Variants in CKAP5 observed in about 807,000 individuals in gnomAD.
CKAP5 encodes cytoskeleton-associated protein 5.
CKAP5 carries 27 observed loss-of-function variants against 232.8 expected under a neutral mutation model. The observed-to-expected ratio is 0.12, with a 90% confidence interval of 0.09 to 0.16. The LOEUF is 0.16. Ranked by LOEUF, CKAP5 falls within the 10% of genes least tolerant of loss-of-function variation. The pLI is 1.00. For missense variants in CKAP5, 1,838 were observed against 2,424.7 expected, an observed-to-expected ratio of 0.76 and a Z score of 5.08; for synonymous variants, 785 against 841.1, an observed-to-expected ratio of 0.93 and a Z score of 1.16.
chr11:46,816,605 AAC>A (rs1229595574), intron 3 of CKAP5, among the ~76,000 whole-genome samples: 4 of 152,192 alleles, frequency 2.6e-5, no homozygotes, highest in African/African-American at 9.7e-5. Flanking sequence ...CAGGCATAGT[AAC>A]AGTTTATAAA....
chr11:46,823,215 A>G (rs549817977), intron 1 of CKAP5, among the ~76,000 whole-genome samples: 21 of 151,884 alleles, frequency 1.4e-4, no homozygotes, highest in African/African-American at 5.1e-4. Context: ...AAGTGATCCC[A>G]CTGATCGTGA....
At position 46,776,098 on chromosome 11, in the gene CKAP5, C is replaced by T. The variant is rs140442454; in HGVS notation, c.2991+157G>A. Among the ~76,000 whole-genome samples the T allele has an allele frequency of 3.6e-3, 543 of 152,220 alleles. 1 individual carries two copies. The highest frequency in any genetic ancestry group is 5.7e-3 in the Non-Finnish European group (385 of 68,002). The stretch of plus-strand genomic sequence containing the variant: ...AGCATGTGAAAGGAAAAAATGGAAG[C>T]ACATGAATACAAAGGCCCCAGGAAT... On this transcript the variant is annotated intron_variant, in intron 24 of 43. Coordinates refer to ENST00000529230, the MANE Select transcript of CKAP5 (RefSeq NM_001008938.4).
chr11:46,811,181 A>G lies in CKAP5; in HGVS notation c.459-3T>C, dbSNP rs781223409. ...AGATGATTTTGGAACCAAATTCACT[A>G]CAAGTAAAAAATTGGGAAAAAACTG... On this transcript the variant is annotated splice_region_variant and splice_polypyrimidine_tract_variant and intron_variant, in intron 4 of 43. Transcript: ENST00000529230. 5.0e-6 allele frequency: 8 copies of G among 1,610,542 alleles called. No homozygotes were observed. Among genetic ancestry groups the G allele is most frequent in the Non-Finnish European group, 6.8e-6 (8 of 1,178,480 alleles).
intron 26 of CKAP5, among the ~76,000 whole-genome samples, chr11:46,769,657 C>T (rs1034722753): frequency 1.3e-5 from 2 of 151,828 alleles, no homozygotes; most frequent in Non-Finnish European, 2.9e-5. Flanking sequence ...GATCACGCCA[C>T]TACACTCCCT....
At chr11:46,808,566 A>G (rs1319635451) in intron 7 of CKAP5, among the ~76,000 whole-genome samples, 3 of 152,218 alleles carry the variant, frequency 2.0e-5, no homozygotes, top group African/African-American at 7.2e-5. Flanking sequence ...ATAATAAAAA[A>G]TAAAACTGTG....
chr11:46,832,812 C>A (rs1163089924), intron 1 of CKAP5, among the ~76,000 whole-genome samples: 1 of 152,066 alleles, frequency 6.6e-6, no homozygotes, highest in African/African-American at 2.4e-5. Context: ...CCCTCCATAG[C>A]CAGGTGTAGT....
intron 12 of CKAP5, among the ~76,000 whole-genome samples, chr11:46,796,022 G>A (rs972256694): frequency 9.9e-5 from 15 of 151,906 alleles, no homozygotes; most frequent in South Asian, 2.1e-4. Context: ...AAGTTTAGCC[G>A]GGCGTGGTGG....
At chr11:46,830,471 T>C (rs578213547) in intron 1 of CKAP5, among the ~76,000 whole-genome samples, 19 of 136,482 alleles carry the variant, frequency 1.4e-4, no homozygotes, top group Non-Finnish European at 2.6e-4. Flanking sequence ...AAAATTAGAA[T>C]AGAGTAGAGA....
At chr11:46,761,865 G>C in intron 32 of CKAP5, 135 bp downstream of exon 32, 2 of 636,196 alleles carry the variant, frequency 3.1e-6, no homozygotes, top group Non-Finnish European at 5.4e-6. Flanking sequence ...CTGGATTCTA[G>C]GACACATTGA....
intron 27 of CKAP5, among the ~76,000 whole-genome samples, chr11:46,767,362 A>G (rs946380530): frequency 6.6e-6 from 1 of 152,212 alleles, no homozygotes; most frequent in East Asian, 1.9e-4. Flanking sequence ...GAAAATCTAC[A>G]TGAAAGGAAG....
At position 46,759,252 on chromosome 11, in the gene CKAP5, GAA is replaced by G. The variant is rs1206550089; in HGVS notation, c.4568+15_4568+16del. On this transcript the variant is annotated intron_variant, in intron 34 of 43. Transcript: ENST00000529230. ...CATCATGAACTGCTCATATTTAAAT[GAA>G]AGAGTTTAACTCACTTGGGTTCAGG... The G allele has an allele frequency of 6.2e-7, 1 of 1,605,866 alleles. No homozygotes were observed. The highest frequency in any genetic ancestry group is 1.3e-5 in the African/African-American group (1 of 74,758).
chr11:46,840,105 G>A (rs574071010), intron 1 of CKAP5, among the ~76,000 whole-genome samples: 4 of 152,122 alleles, frequency 2.6e-5, no homozygotes, highest in South Asian at 4.1e-4. Flanking sequence ...CAGCCTGGGC[G>A]ACAGAGTGAG....
intron 15 of CKAP5, among the ~76,000 whole-genome samples, chr11:46,789,310 T>A (rs905339784): frequency 1.3e-5 from 2 of 152,230 alleles, no homozygotes; most frequent in Non-Finnish European, 2.9e-5. Flanking sequence ...ACCCGGTATA[T>A]GCCAAAATGA....
At chr11:46,763,782 C>T in intron 28 of CKAP5, 152 bp from the exon 29 acceptor site, 1 of 515,260 alleles carries the variant, frequency 1.9e-6, no homozygotes, top group Non-Finnish European at 3.1e-6. Flanking sequence ...TTCAAGGTGT[C>T]ATACTTCTTG....
chr11:46,758,912 A>C lies in CKAP5; in HGVS notation c.4689+11T>G. 5 of 1,613,430 alleles carry C rather than the reference A, an allele frequency of 3.1e-6. No homozygotes were observed. The highest frequency in any genetic ancestry group is 4.2e-6 in the Non-Finnish European group (5 of 1,179,732). On this transcript the variant is annotated intron_variant, in intron 35 of 43. Transcript: ENST00000529230. ...CCAATGGAATCCCTGTCACGGGAGC[A>C]CACCCATTACCTGTGTCAGAGCTTG...
At chr11:46,825,745 T>C (rs1218832376) in intron 1 of CKAP5, among the ~76,000 whole-genome samples, 2 of 148,916 alleles carry the variant, frequency 1.3e-5, no homozygotes, top group Non-Finnish European at 1.5e-5. Flanking sequence ...AGTGTGATGA[T>C]AGGCTCATAA....
chr11:46,790,312 T>A (rs1938689915), intron 14 of CKAP5, 126 bp from the exon 15 acceptor site: 1 of 796,512 alleles, frequency 1.3e-6, no homozygotes, highest in Admixed American at 2.8e-5. Context: ...CTGAGGCTTC[T>A]ATTATACTTT....
intron 27 of CKAP5, among the ~76,000 whole-genome samples, 161 bp from the exon 28 acceptor site, chr11:46,765,417 G>A (rs990804757): frequency 3.9e-5 from 6 of 152,000 alleles, no homozygotes; most frequent in African/African-American, 1.5e-4. Context: ...ATATGTTTTT[G>A]AACAGGTTCT....
chr11:46,753,122 C>T (rs72895811), intron 37 of CKAP5, 188 bp downstream of exon 37: 51,875 of 485,556 alleles, frequency 0.11, 3,290 homozygotes, highest in Middle Eastern at 0.18. Context: ...AATAAATCAA[C>T]TTCCTAGGCA....
Sources: allele counts gnomAD v4.1 joint callset (sites outside exome capture counted in the v4.1 genomes callset), GRCh38; gene constraint gnomAD v4.1.1; transcripts MANE v1.5; gene names NCBI Gene and HGNC (gene_info 2026-07-23, HGNC 2026-07-21).